The following PRRC2B variants were observed in gnomAD, a reference collection of about 807,000 sequenced individuals.
The protein encoded by PRRC2B is proline rich coiled-coil 2B.
PRRC2B carries 68 observed loss-of-function variants against 242.3 expected under a neutral mutation model. That is an observed-to-expected ratio of 0.28 (90% CI 0.23 to 0.34). The LOEUF is 0.34. PRRC2B is among the 10% of genes least tolerant of loss of function. The pLI is 1.00. For synonymous variants in PRRC2B, 1,228 were observed against 1,173.6 expected (o/e 1.05, Z -0.95); for missense variants, 2,835 against 2,954.8 (o/e 0.96, Z 0.94).
chr9:131,474,623 C>G lies in PRRC2B; in HGVS notation c.2494C>G (p.Pro832Ala), dbSNP rs1464387883. The change falls in exon 16 of 32, where the codon CCA becomes GCA. Residue 832 changes from proline to alanine, a missense_variant. Physicochemically the swap from Pro to Ala is conservative, Grantham distance 27. Around this residue, in one of 7 missense-constraint regions of PRRC2B, gnomAD observed 1,536 missense variants for 1,483.1 expected, o/e 1.04. Coordinates refer to ENST00000683519, the MANE Select transcript of PRRC2B (RefSeq NM_013318.4). ...SQRIGQELLF[P>A]PQENVQDAGA... is the part of the protein sequence containing the mutation. ...AAGAATAGGCCAGGAGCTTTTGTTT[C>G]CACCCCAAGAAAATGTTCAGGATGC... is the stretch of plus-strand genomic sequence containing the variant. 6.2e-7 allele frequency: 1 copy of G among 1,613,976 alleles called. No individual in the cohort carries two copies. Among genetic ancestry groups the G allele is most frequent in the Non-Finnish European group, 8.5e-7 (1 of 1,179,874 alleles).
At chr9:131,426,446 G>A (rs146198152) in intron 1 of PRRC2B, among the ~76,000 whole-genome samples, 38 of 151,920 alleles carry the variant, frequency 2.5e-4, no homozygotes, top group African/African-American at 8.5e-4. Context: ...ACAGGATCTC[G>A]CTCTGCCCTC....
At chr9:131,478,649 G>GGGGGGGGGGCCCCCCGGGGC in intron 18 of PRRC2B, 30 bp downstream of exon 18, 1 of 504,562 alleles carries the variant, frequency 2.0e-6, no homozygotes. Context: ...GGGGCATGGG[G>GGGGGGGGGGCCCCCCGGGGC]CTGGAGGGCA....
At position 131,459,310 on chromosome 9, in the gene PRRC2B, C is replaced by T; in HGVS notation, c.1358C>T (p.Pro453Leu). Residue 453 changes from proline to leucine, a missense_variant, in exon 11 of 32, where the codon CCA becomes CTA. Coordinates refer to ENST00000683519, the MANE Select transcript of PRRC2B (RefSeq NM_013318.4). ...RVVRKAPDPQ[P>L]PPRKLHGWAP... Reference sequence around the variant, plus strand: ...GTCCGAAAGGCGCCAGACCCTCAGCCACCGCCCAGGAAGCTTCATGGCTGG... The same window carrying T: ...GTCCGAAAGGCGCCAGACCCTCAGCTACCGCCCAGGAAGCTTCATGGCTGG... The T allele has an allele frequency of 6.2e-7, 1 of 1,613,892 alleles. No homozygotes were observed.
At position 131,397,787 on chromosome 9, in the gene PRRC2B, C is replaced by T. The variant is rs139189660; in HGVS notation, c.-52+3524C>T. Among the ~76,000 whole-genome samples, 631 of 151,998 alleles carry T rather than the reference C, an allele frequency of 4.2e-3. 1 individual carries two copies. The highest frequency in any genetic ancestry group is 8.7e-3 in the African/African-American group (360 of 41,456). Reference sequence around the variant, plus strand: ...TGAAATGTACATATCTTGTCATGGGCGGACAGGTACTAAATAGAGCCTATC... The same window carrying T: ...TGAAATGTACATATCTTGTCATGGGTGGACAGGTACTAAATAGAGCCTATC... On this transcript the variant is annotated intron_variant, in intron 1 of 31. Coordinates refer to ENST00000683519, the MANE Select transcript of PRRC2B (RefSeq NM_013318.4).
Position 131,467,563 on chromosome 9 carries a change from G to T in PRRC2B, c.1721G>T (p.Gly574Val). 1 of 1,598,396 alleles carries T rather than the reference G, an allele frequency of 6.3e-7. No homozygotes were observed. The highest frequency in any genetic ancestry group is 8.5e-7 in the Non-Finnish European group (1 of 1,172,314). ...PQENGPAVHK[G>V]SPEFPAQETP... ...ATTTCTCTGCTGGTATATTCTCTAG[G>T]CTCCCCAGAATTCCCTGCCCAAGAG... Residue 574 changes from glycine to valine, a missense_variant and splice_region_variant, in exon 13 of 32, where the codon GGC becomes GTC. Around this residue, in one of 7 missense-constraint regions of PRRC2B, gnomAD observed 1,536 missense variants for 1,483.1 expected, o/e 1.04. Coordinates refer to ENST00000683519, the MANE Select transcript of PRRC2B (RefSeq NM_013318.4).
intron 1 of PRRC2B, among the ~76,000 whole-genome samples, chr9:131,418,914 A>G (rs1231955432): frequency 6.6e-6 from 1 of 152,250 alleles, no homozygotes; most frequent in Non-Finnish European, 1.5e-5. Context: ...GCAGCGTGAC[A>G]GCACCTGGAA....
At chr9:131,471,193 CG>C (rs1011108673) in intron 14 of PRRC2B, among the ~76,000 whole-genome samples, 1 of 152,150 alleles carries the variant, frequency 6.6e-6, no homozygotes, top group Non-Finnish European at 1.5e-5. Flanking sequence ...TCATGAAGAT[CG>C]TGTATCATAA....
chr9:131,417,503 T>A (rs758796540), intron 1 of PRRC2B, among the ~76,000 whole-genome samples: 16 of 152,108 alleles, frequency 1.1e-4, no homozygotes, highest in Non-Finnish European at 1.5e-4. Context: ...GCCTGCCACC[T>A]CCTACGACCT....
chr9:131,432,043 C>T (rs1012830657), intron 2 of PRRC2B, among the ~76,000 whole-genome samples: 12 of 152,176 alleles, frequency 7.9e-5, no homozygotes, highest in African/African-American at 2.7e-4. Context: ...ATCTACCCAC[C>T]TCGGCCTCCC....
At chr9:131,483,044 T>G (rs1043712264) in intron 22 of PRRC2B, 137 bp downstream of exon 22, 3 of 1,059,842 alleles carry the variant, frequency 2.8e-6, no homozygotes, top group African/African-American at 1.6e-5. Context: ...GCGGCTAGAG[T>G]GTTGGTGTGG....
At chr9:131,455,588 C>G (rs1235625958) in intron 10 of PRRC2B, among the ~76,000 whole-genome samples, 1 of 148,594 alleles carries the variant, frequency 6.7e-6, no homozygotes. Context: ...ATGATGTCAG[C>G]TCACTAAAAC....
rs977045225 is a variant in PRRC2B at position 131,419,829 on chromosome 9, CGTGGGGCCAGCAT to C, written c.-51-10262_-51-10250del. ...GTGTGGGGAGAAGGCTGGGTGGCGG[CGTGGGGCCAGCAT>C]GTTGGGCCGGGGGGGTCTGGACTTG... is the stretch of plus-strand genomic sequence containing the variant. On this transcript the variant is annotated intron_variant, in intron 1 of 31. Coordinates refer to ENST00000683519, the MANE Select transcript of PRRC2B (RefSeq NM_013318.4). 1.3e-4 allele frequency among the ~76,000 whole-genome samples: 19 copies of C among 142,554 alleles called. 1 individual carries two copies. Among genetic ancestry groups the C allele is most frequent in the African/African-American group, 4.5e-4 (17 of 37,588 alleles). 93.5% of individuals were successfully genotyped at this position (142,554 alleles called of 152,430 possible).
chr9:131,414,673 T>C (rs1837598005), intron 1 of PRRC2B, among the ~76,000 whole-genome samples: 1 of 151,232 alleles, frequency 6.6e-6, no homozygotes, highest in South Asian at 2.1e-4. Flanking sequence ...CGGGTTCAAG[T>C]GATCTTCTGC....
Position 131,446,107 on chromosome 9 carries a change from G to C in PRRC2B, c.614-294G>C. ...TCATCAGGGCCATCTTCATCTCTCT[G>C]GGTTGTGAGACTTGGGGAAGGGTGG... is the stretch of plus-strand genomic sequence containing the variant. On this transcript the variant is annotated intron_variant, in intron 6 of 31. Coordinates refer to ENST00000683519, the MANE Select transcript of PRRC2B (RefSeq NM_013318.4). The surrounding 1 kb of genome is among the most constrained non-coding windows in gnomAD (Gnocchi z 4.1). Among the ~76,000 whole-genome samples, 1 of 151,484 alleles carries C rather than the reference G, an allele frequency of 6.6e-6. No individual in the cohort carries two copies.
intron 1 of PRRC2B, among the ~76,000 whole-genome samples, chr9:131,416,995 T>C (rs1300952909): frequency 6.6e-6 from 1 of 152,200 alleles, no homozygotes; most frequent in Non-Finnish European, 1.5e-5. Context: ...TTATTTTGTC[T>C]ATTTATTTGG....
Position 131,487,336 on chromosome 9 carries a change from C to A in PRRC2B, c.5984+42C>A. On this transcript the variant is annotated intron_variant, in intron 27 of 31. Transcript: ENST00000683519. The surrounding 1 kb of genome is among the most constrained non-coding windows in gnomAD (Gnocchi z 5.3). ...GCTTGCGGAGCTGGCAGCTCACAGC[C>A]AGGGCCTTGGCCCTGTGTGCAGCCT... The A allele has an allele frequency of 1.3e-6, 2 of 1,542,986 alleles. No homozygotes were observed. The highest frequency in any genetic ancestry group is 1.2e-5 in the South Asian group (1 of 81,274).
chr9:131,450,593 G>GT (rs533722787), intron 9 of PRRC2B, among the ~76,000 whole-genome samples: 9,110 of 139,792 alleles, frequency 0.065, 370 homozygotes, highest in Admixed American at 0.13. Context: ...ACTTGGTGGT[G>GT]TTTTTTTTTT....
rs1354812204 is a variant in PRRC2B, at chr9:131,459,239, A to G, written c.1287A>G (p.Arg429=). The change falls in exon 11 of 32, where the codon CGA becomes CGG. Residue 429 remains arginine, a synonymous_variant. Coordinates refer to ENST00000683519, the MANE Select transcript of PRRC2B (RefSeq NM_013318.4). ...ACAGTGCGGACGCTAAGCGGACTCG[A>G]GAGGAAGGGAAGGACTGGGCTGAAG... ...SADSADAKRT[R]EEGKDWAEAV... 1 of 1,613,826 alleles carries G rather than the reference A, an allele frequency of 6.2e-7. No individual in the cohort carries two copies. The highest frequency in any genetic ancestry group is 1.3e-5 in the African/African-American group (1 of 74,926).
intron 30 of PRRC2B, 150 bp downstream of exon 30, chr9:131,492,410 G>A: frequency 1.6e-6 from 1 of 622,362 alleles, no homozygotes. Context: ...TTCAGCACTG[G>A]GATGCACTTG....
Sources: gnomAD v4.1 joint callset for allele counts (sites outside exome capture counted in the v4.1 genomes callset) on GRCh38, gnomAD v4.1.1 for gene constraint, gnomAD v4.1.1 regional missense constraint, Gnocchi (gnomAD v3.1) non-coding constraint, MANE v1.5 for transcripts, NCBI Gene and HGNC (gene_info 2026-07-23, HGNC 2026-07-21) for gene names.